KHDRBS3: variants seen among roughly 807,000 people sequenced by gnomAD.
KHDRBS3 encodes the protein KH domain-containing, RNA-binding, signal transduction-associated protein 3.
KHDRBS3 carries 23 observed loss-of-function variants against 45.6 expected under a neutral mutation model. The ratio of observed to expected loss-of-function variants is 0.50; its 90% CI spans 0.36 to 0.72. The LOEUF (loss-of-function observed/expected upper bound fraction) is 0.72, where lower values mean the gene tolerates loss of function less well. Among genes scored for constraint, KHDRBS3 ranks in the 30% least tolerant of loss-of-function variants. The pLI is 0.00. For synonymous variants in KHDRBS3, 162 were observed against 156.5 expected (o/e 1.04, Z -0.26); for missense variants, 352 against 424.8 (o/e 0.83, Z 1.51).
intron 6 of KHDRBS3, among the ~76,000 whole-genome samples, chr8:135,601,314 G>A (rs551051692): frequency 3.9e-4 from 59 of 152,322 alleles, no homozygotes; most frequent in African/African-American, 1.4e-3. Flanking sequence ...GAAGCAAAAA[G>A]CAAGGCATAT....
At chr8:135,651,691 G>C (rs1831434118), downstream of KHDRBS3, among the ~76,000 whole-genome samples, 1 of 152,126 alleles carries the variant, frequency 6.6e-6, no homozygotes. Flanking sequence ...GTTTCCACTG[G>C]TTAGTGATTT....
downstream of KHDRBS3, among the ~76,000 whole-genome samples, chr8:135,650,562 C>T (rs1455542727): frequency 6.6e-6 from 1 of 152,204 alleles, no homozygotes; most frequent in African/African-American, 2.4e-5. Flanking sequence ...AGGTGAATTT[C>T]ACACTTATGT....
At chr8:135,514,159 G>A (rs778694775) in intron 1 of KHDRBS3, among the ~76,000 whole-genome samples, 18 of 152,168 alleles carry the variant, frequency 1.2e-4, no homozygotes, top group South Asian at 4.1e-4. Flanking sequence ...ATAAAGTGAA[G>A]GGATAAGCAG....
chr8:135,626,234 ATTAACT>A (rs1474117975), intron 7 of KHDRBS3, among the ~76,000 whole-genome samples: 1 of 152,238 alleles, frequency 6.6e-6, no homozygotes, highest in Non-Finnish European at 1.5e-5. Context: ...GAGAAATTAA[ATTAACT>A]TTAAGCTGAC....
intron 2 of KHDRBS3, among the ~76,000 whole-genome samples, chr8:135,525,183 G>T (rs1380852317): frequency 2.6e-5 from 4 of 152,184 alleles, no homozygotes; most frequent in Non-Finnish European, 2.9e-5. Flanking sequence ...TGTTTTAGCA[G>T]CTAATTAACT....
At chr8:135,529,464 G>T (rs1825359104) in intron 2 of KHDRBS3, among the ~76,000 whole-genome samples, 1 of 152,152 alleles carries the variant, frequency 6.6e-6, no homozygotes, top group African/African-American at 2.4e-5. Context: ...AGCAACACTT[G>T]AACTTAAATT....
chr8:135,489,902 C>T lies in KHDRBS3; in HGVS notation c.89-31335C>T, dbSNP rs571802949. 1.3e-4 allele frequency among the ~76,000 whole-genome samples: 20 copies of T among 152,298 alleles called. 2 individuals carry two copies. The South Asian group carries it at 3.9e-3, about 30-fold the overall frequency. On this transcript the variant is annotated intron_variant, in intron 1 of 8. Transcript: ENST00000355849. The stretch of plus-strand genomic sequence containing the variant: ...CACTCACTCTTCAGAGCAACTTCCG[C>T]TCCTACAAGCTCCATTCATGGTAAG...
In KHDRBS3 at chr8:135,544,718, A is replaced by T. The variant is rs1055792877; in HGVS notation, c.324+1948A>T. Among the ~76,000 whole-genome samples, 3 of 152,140 alleles carry T rather than the reference A, an allele frequency of 2.0e-5. No individual in the cohort carries two copies. In the East Asian group the frequency reaches 5.8e-4, roughly 29 times the overall value. On this transcript the variant is annotated intron_variant, in intron 3 of 8. Coordinates refer to ENST00000355849, the MANE Select transcript of KHDRBS3 (RefSeq NM_006558.3). Reference sequence around the variant, plus strand: ...TTTGCATGGGACACCCTGATTTTACATGATTGACCCTCTTTTCCAGATCAC... The same window carrying T: ...TTTGCATGGGACACCCTGATTTTACTTGATTGACCCTCTTTTCCAGATCAC...
At chr8:135,490,255 A>G (rs1476268661) in intron 1 of KHDRBS3, among the ~76,000 whole-genome samples, 1 of 152,094 alleles carries the variant, frequency 6.6e-6, no homozygotes, top group Non-Finnish European at 1.5e-5. Context: ...ACCAGTGTGG[A>G]TCTTCCCTTG....
At chr8:135,577,751 A>T (rs993455453) in intron 5 of KHDRBS3, among the ~76,000 whole-genome samples, 1 of 152,158 alleles carries the variant, frequency 6.6e-6, no homozygotes, top group Non-Finnish European at 1.5e-5. Context: ...ACCATTGGGT[A>T]AAAACCTAAG....
intron 6 of KHDRBS3, among the ~76,000 whole-genome samples, chr8:135,602,730 C>T (rs1333786597): frequency 6.6e-6 from 1 of 152,148 alleles, no homozygotes; most frequent in African/African-American, 2.4e-5. Context: ...ATACAGTGAC[C>T]TGGTTGCAAG....
At chr8:135,470,316 T>G (rs954438097) in intron 1 of KHDRBS3, among the ~76,000 whole-genome samples, 4 of 152,114 alleles carry the variant, frequency 2.6e-5, no homozygotes, top group Non-Finnish European at 4.4e-5. Flanking sequence ...GGTTTTTTTT[T>G]GTTTTAACGT....
At chr8:135,503,818 T>A (rs1436874613) in intron 1 of KHDRBS3, among the ~76,000 whole-genome samples, 3 of 152,196 alleles carry the variant, frequency 2.0e-5, no homozygotes, top group Non-Finnish European at 4.4e-5. Flanking sequence ...GTTTTCTGAG[T>A]CAAGAGAATT....
chr8:135,511,816 C>G (rs1410500164), intron 1 of KHDRBS3, among the ~76,000 whole-genome samples: 1 of 152,176 alleles, frequency 6.6e-6, no homozygotes, highest in Non-Finnish European at 1.5e-5. Context: ...TCTCGGCCTC[C>G]CAAAGTGCTA....
rs35677198 is a variant in KHDRBS3 at position 135,638,967 on chromosome 8, CA to C, written c.891-6075del. ...AGAGCGAGAGAGTGAGACTCCGTCT[CA>C]AAAAAAAAAAAAAAAAGAAGTAGCT... On this transcript the variant is annotated intron_variant, in intron 7 of 8. Transcript: ENST00000355849. Among the ~76,000 whole-genome samples the C allele has an allele frequency of 5.2e-3, 482 of 92,272 alleles. 1 individual carries two copies. The highest frequency in any genetic ancestry group is 6.0e-3 in the Non-Finnish European group (273 of 45,808). 60.5% of individuals were successfully genotyped at this position (92,272 alleles called of 152,430 possible).
chr8:135,618,663 C>T (rs1830015730), intron 7 of KHDRBS3, among the ~76,000 whole-genome samples: 1 of 151,892 alleles, frequency 6.6e-6, no homozygotes, highest in East Asian at 1.9e-4. Flanking sequence ...GGTTAATCTC[C>T]CAGAAATTAG....
At chr8:135,588,021 C>A (rs144129505) in intron 6 of KHDRBS3, among the ~76,000 whole-genome samples, 161 of 152,290 alleles carry the variant, frequency 1.1e-3, no homozygotes, top group African/African-American at 3.2e-3. Context: ...TCGTTCTCTG[C>A]AGACATCGAC....
intron 5 of KHDRBS3, among the ~76,000 whole-genome samples, chr8:135,578,814 T>C (rs1433230314): frequency 1.3e-5 from 2 of 152,210 alleles, no homozygotes; most frequent in Non-Finnish European, 2.9e-5. Context: ...TGGGAAGAAC[T>C]GGAGTCTTAA....
At chr8:135,637,039 C>T (rs756981568) in intron 7 of KHDRBS3, among the ~76,000 whole-genome samples, 22 of 152,188 alleles carry the variant, frequency 1.4e-4, no homozygotes, top group Admixed American at 2.0e-4. Flanking sequence ...AAGTTGTGGT[C>T]AGGTGACTGG....
Sources: allele counts gnomAD v4.1 joint callset (sites outside exome capture counted in the v4.1 genomes callset), GRCh38; gene constraint gnomAD v4.1.1; transcripts MANE v1.5; gene names NCBI Gene and HGNC (gene_info 2026-07-23, HGNC 2026-07-21).